Variants in LMO7 observed in about 807,000 individuals in gnomAD.
The protein encoded by LMO7 is LIM domain only protein 7.
A neutral mutation model predicts 206.5 loss-of-function variants in LMO7; 120 were observed. The observed-to-expected ratio is 0.58, with a 90% CI of 0.50 to 0.68. The LOEUF is 0.68. Ranked by LOEUF, LMO7 falls within the 30% of genes least tolerant of loss-of-function variation. The probability of loss-of-function intolerance (pLI) is 0.00; values close to 1 mark genes in which losing one functional copy is unlikely to be tolerated. For synonymous variants in LMO7, 706 were observed against 681.5 expected (o/e 1.04, Z -0.56); for missense variants, 1,959 against 1,957.9 (o/e 1.00, Z -0.01).
Position 75,800,881 on chromosome 13 carries a change from A to G in LMO7, c.660A>G (p.Glu220=), listed in dbSNP as rs764086234. The change falls in exon 7 of 31, where the codon GAA becomes GAG. Residue 220 remains glutamate (E), a splice_region_variant and synonymous_variant. Coordinates refer to ENST00000377534, the MANE Select transcript of LMO7 (RefSeq NM_001306080.2). ...ATATCACGTTGAGAGGGGGGCGTGA[A>G]GGTGTGTTGTGTTTTGGCTGTCAGT... The part of the protein sequence containing the change: ...SSDITLRGGR[E]GFESDTDSEF... 6.2e-7 allele frequency: 1 copy of G among 1,613,614 alleles called. No individual in the cohort carries two copies. Among genetic ancestry groups the G allele is most frequent in the Non-Finnish European group, 8.5e-7 (1 of 1,179,604 alleles).
intron 1 of LMO7, among the ~76,000 whole-genome samples, chr13:75,702,256 C>G (rs1052753497): frequency 7.9e-5 from 12 of 152,176 alleles, no homozygotes; most frequent in Non-Finnish European, 1.2e-4. Context: ...CCTGCTCCTT[C>G]CTTCTGGCTC....
chr13:75,794,072 C>T (rs750880861), intron 4 of LMO7, among the ~76,000 whole-genome samples: 3 of 152,166 alleles, frequency 2.0e-5, no homozygotes, highest in Non-Finnish European at 4.4e-5. Context: ...AGGACATCTA[C>T]GCTGCTTCTA....
intron 2 of LMO7, among the ~76,000 whole-genome samples, chr13:75,625,478 T>C (rs2033928518): frequency 6.6e-6 from 1 of 151,852 alleles, no homozygotes. Context: ...TGTGTGTGGT[T>C]TTGATTCATA....
intron 1 of LMO7, among the ~76,000 whole-genome samples, chr13:75,676,717 A>G (rs2040045441): frequency 6.6e-6 from 1 of 152,226 alleles, no homozygotes; most frequent in African/African-American, 2.4e-5. Context: ...CATTATTAAC[A>G]AAGCTTTTAG....
chr13:75,812,284 A>G (rs1404628387), intron 11 of LMO7, among the ~76,000 whole-genome samples: 1 of 152,146 alleles, frequency 6.6e-6, no homozygotes, highest in Non-Finnish European at 1.5e-5. Context: ...TCTACATCAC[A>G]TTGCCTTTTT....
chr13:75,737,842 C>CAAAAAAA (rs768622923), intron 3 of LMO7, among the ~76,000 whole-genome samples: 8 of 37,724 alleles, frequency 2.1e-4, no homozygotes, highest in African/African-American at 7.3e-4. Context: ...AGGAAGCTGC[C>CAAAAAAA]AAAAAAAAAA....
chr13:75,816,434 G>A (rs1046787253), intron 11 of LMO7, among the ~76,000 whole-genome samples: 1 of 152,158 alleles, frequency 6.6e-6, no homozygotes, highest in African/African-American at 2.4e-5. Flanking sequence ...TGTGCATGTA[G>A]AGAGCACACA....
chr13:75,734,156 G>A (rs942984503), intron 3 of LMO7, among the ~76,000 whole-genome samples: 2 of 152,190 alleles, frequency 1.3e-5, no homozygotes, highest in East Asian at 3.8e-4. Flanking sequence ...AAATGAATGT[G>A]ATGGTTCTGT....
intron 8 of LMO7, chr13:75,804,976 A>G: frequency 1.0e-6 from 1 of 998,942 alleles, no homozygotes; most frequent in Non-Finnish European, 1.2e-6. Flanking sequence ...AGTGGTTCGG[A>G]CTCTGAGGAT....
At chr13:75,841,374 G>T (rs1259640737) in intron 23 of LMO7, among the ~76,000 whole-genome samples, 173 bp downstream of exon 23, 1 of 152,146 alleles carries the variant, frequency 6.6e-6, no homozygotes, top group Non-Finnish European at 1.5e-5. Context: ...GGATGTTGCA[G>T]CCTTTCTCCT....
chr13:75,779,204 C>A (rs1323200072), intron 4 of LMO7, among the ~76,000 whole-genome samples: 2 of 152,016 alleles, frequency 1.3e-5, no homozygotes, highest in East Asian at 1.9e-4. Flanking sequence ...GTGATGCATG[C>A]ACTTAAGAAC....
chr13:75,793,752 A>G (rs1434900940), intron 4 of LMO7, among the ~76,000 whole-genome samples: 1 of 152,222 alleles, frequency 6.6e-6, no homozygotes, highest in Non-Finnish European at 1.5e-5. Flanking sequence ...AGCACACCTG[A>G]GTAGCCAGCT....
Position 75,720,382 on chromosome 13 carries a change from G to A in LMO7, c.141-6647G>A, listed in dbSNP as rs554596310. Among the ~76,000 whole-genome samples the A allele has an allele frequency of 1.8e-4, 28 of 152,134 alleles. No individual in the cohort carries two copies. The South Asian group carries it at 5.6e-3, about 30-fold the overall frequency. ...ATTTCTTTTACGAATTGTGCTTTTTGTGTCTTGTCTAAAAAGTCATTGTCA... is the reference window on the plus strand; with the variant it reads ...ATTTCTTTTACGAATTGTGCTTTTTATGTCTTGTCTAAAAAGTCATTGTCA... On this transcript the variant is annotated intron_variant, in intron 2 of 30. Coordinates refer to ENST00000377534, the MANE Select transcript of LMO7 (RefSeq NM_001306080.2).
In LMO7 at chr13:75,800,677, T is replaced by G. The variant is rs1412569651; in HGVS notation, c.463-7T>G. ...ACTTACTATTCTTTAAAAAACGTTT[T>G]CTTTAGGCACTCGAAGACTCCAGCT... On this transcript the variant is annotated splice_polypyrimidine_tract_variant and splice_region_variant and intron_variant, in intron 6 of 30. Transcript: ENST00000377534. 7.4e-6 allele frequency: 12 copies of G among 1,613,256 alleles called. No homozygotes were observed. Among genetic ancestry groups the G allele is most frequent in the Non-Finnish European group, 9.3e-6 (11 of 1,179,466 alleles).
chr13:75,746,686 C>T (rs1373779953), intron 3 of LMO7, among the ~76,000 whole-genome samples: 1 of 152,138 alleles, frequency 6.6e-6, no homozygotes, highest in Non-Finnish European at 1.5e-5. Context: ...GGTCTCTTGT[C>T]ATCTCCTTGA....
chr13:75,801,665 T>C (rs79077819), intron 7 of LMO7, among the ~76,000 whole-genome samples: 9,297 of 152,284 alleles, frequency 0.061, 456 homozygotes, highest in Non-Finnish European at 0.081. Flanking sequence ...TTTGACTAGA[T>C]TGAAACCACA....
intron 1 of LMO7, among the ~76,000 whole-genome samples, chr13:75,655,864 AT>A (rs1351606804): frequency 6.6e-6 from 1 of 151,876 alleles, no homozygotes; most frequent in East Asian, 1.9e-4. Context: ...TGGTTAATCT[AT>A]CCCTGTGTTG....
At chr13:75,834,633 A>G (rs2058969415) in intron 17 of LMO7, among the ~76,000 whole-genome samples, 1 of 152,192 alleles carries the variant, frequency 6.6e-6, no homozygotes. Context: ...GTTTGACTGA[A>G]TGCAAATACC....
intron 1 of LMO7, among the ~76,000 whole-genome samples, 159 bp downstream of exon 1, chr13:75,636,885 C>G (rs1250797230): frequency 1.3e-5 from 2 of 152,210 alleles, no homozygotes; most frequent in African/African-American, 4.8e-5. Flanking sequence ...GGGGACTCTG[C>G]GGGTTCTGCC....
Sources: gnomAD v4.1 joint callset for allele counts (sites outside exome capture counted in the v4.1 genomes callset) on GRCh38, gnomAD v4.1.1 for gene constraint, MANE v1.5 for transcripts, NCBI Gene and HGNC (gene_info 2026-07-23, HGNC 2026-07-21) for gene names.